The following MYO1H variants were observed in gnomAD, a reference collection of about 807,000 sequenced individuals.
MYO1H encodes myosin IH.
Under a neutral mutation model 149.3 loss-of-function variants are expected in MYO1H, and 118 were observed. The observed-to-expected ratio is 0.79, with a 90% CI of 0.68 to 0.92. The LOEUF (loss-of-function observed/expected upper bound fraction) is 0.92, where lower values mean the gene tolerates loss of function less well. MYO1H is among the 40% of genes least tolerant of loss of function. The pLI is 0.00. For synonymous variants in MYO1H, 447 were observed against 465.2 expected, an observed-to-expected ratio of 0.96 and a Z score of 0.50; for missense variants, 1,212 against 1,280.7, an observed-to-expected ratio of 0.95 and a Z score of 0.82.
rs554701536 is a variant in MYO1H at position 109,431,992 on chromosome 12, A to ATTT, written c.1950-880_1950-878dup. On this transcript the variant is annotated intron_variant, in intron 19 of 31. Coordinates refer to ENST00000310903, the Ensembl canonical transcript of MYO1H. ...ACTGCCACACCTGGCTAAAAAAAAA[A>ATTT]TTTTTTTTTTTTTTTTTTTTTTTTT... is the stretch of plus-strand genomic sequence containing the variant. Among the ~76,000 whole-genome samples, 69 of 85,730 alleles carry ATTT rather than the reference A, an allele frequency of 8.0e-4. 1 individual carries two copies. Among genetic ancestry groups the ATTT allele is most frequent in the East Asian group, 1.8e-3 (5 of 2,832 alleles). 56.2% of individuals were successfully genotyped at this position (85,730 alleles called of 152,430 possible).
chr12:109,387,188 C>G (rs544476353), intron 1 of MYO1H, among the ~76,000 whole-genome samples: 1 of 152,288 alleles, frequency 6.6e-6, no homozygotes, highest in East Asian at 1.9e-4. Flanking sequence ...GCCTCAGCAT[C>G]CCAGTGTGCT....
chr12:109,313,148 G>A, the MYO1H span, among the ~76,000 whole-genome samples: 2 of 152,308 alleles, frequency 1.3e-5, no homozygotes, highest in East Asian at 3.9e-4. Context: ...GGGAGGCTGA[G>A]ATGGAAGGAT....
At chr12:109,436,608 C>A in intron 22 of MYO1H, 52 bp downstream of exon 22, 2 of 1,250,318 alleles carry the variant, frequency 1.6e-6, no homozygotes, top group African/African-American at 1.5e-5. Context: ...ATCTGCTTGG[C>A]ACCTGGGGGC....
chr12:109,416,948 G>A (rs888801670), intron 15 of MYO1H, among the ~76,000 whole-genome samples: 3 of 150,802 alleles, frequency 2.0e-5, no homozygotes, highest in Admixed American at 6.6e-5. Context: ...CAGAGGTTGC[G>A]GTGAGTTGAG....
intron 1 of MYO1H, 101 bp from the exon 2 acceptor site, chr12:109,388,582 C>A: frequency 9.1e-7 from 1 of 1,100,850 alleles, no homozygotes; most frequent in Non-Finnish European, 1.3e-6. Flanking sequence ...TGCTGGCTCT[C>A]TACTATCCCA....
rs866867621 is a variant in MYO1H at position 109,411,986 on chromosome 12, G to T, written c.1502+1G>T. 3.2e-6 allele frequency: 5 copies of T among 1,577,738 alleles called. No individual in the cohort carries two copies. The highest frequency in any genetic ancestry group is 3.4e-6 in the Non-Finnish European group (4 of 1,161,788). ...TGGGCAAACATGCACACTTCGAAAC[G>T]TACATACTTTATTTTACCAGATTTT... On this transcript the variant is annotated splice_donor_variant, in intron 14 of 31. Coordinates refer to ENST00000310903, the Ensembl canonical transcript of MYO1H. LOFTEE classifies it high-confidence loss of function.
intron 16 of MYO1H, among the ~76,000 whole-genome samples, chr12:109,421,630 A>T (rs1871177957): frequency 6.6e-6 from 1 of 152,032 alleles, no homozygotes; most frequent in Non-Finnish European, 1.5e-5. Flanking sequence ...TAGAGATTTC[A>T]TTCTGGTGTT....
At chr12:109,343,885 T>G (rs1566015070), upstream of MYO1H, among the ~76,000 whole-genome samples, 2 of 152,150 alleles carry the variant, frequency 1.3e-5, no homozygotes, top group Admixed American at 1.3e-4. Context: ...GGCATTGCAC[T>G]AGGTGTATTG....
At chr12:109,338,883 A>C in the MYO1H span, among the ~76,000 whole-genome samples, 3 of 150,804 alleles carry the variant, frequency 2.0e-5, no homozygotes, top group South Asian at 6.3e-4. Flanking sequence ...TCCTGCCCTT[A>C]TTTCTTGAAG....
chr12:109,346,006 T>C (rs1485869673), upstream of MYO1H, among the ~76,000 whole-genome samples: 3 of 152,180 alleles, frequency 2.0e-5, no homozygotes, highest in Non-Finnish European at 4.4e-5. Flanking sequence ...GAAAATGTTC[T>C]TGAATTAAAT....
At chr12:109,320,397 G>C in the MYO1H span, among the ~76,000 whole-genome samples, 1 of 138,442 alleles carries the variant, frequency 7.2e-6, no homozygotes, top group South Asian at 2.3e-4. Flanking sequence ...ATCACTTGAG[G>C]ACAGGAGTTC....
chr12:109,417,314 G>A (rs1388112892), intron 15 of MYO1H, among the ~76,000 whole-genome samples: 2 of 152,064 alleles, frequency 1.3e-5, no homozygotes, highest in Non-Finnish European at 2.9e-5. Context: ...CCACACTTGC[G>A]TTATATCATT....
exon 32 of MYO1H, chr12:109,447,474 G>A (rs547440881): frequency 1.7e-5 from 9 of 518,726 alleles, no homozygotes; most frequent in African/African-American, 9.5e-5. Flanking sequence ...GCAGTCCAAC[G>A]TGTCATTAGA....
intron 31 of MYO1H, 140 bp downstream of exon 31, chr12:109,445,752 A>G (rs183623459): frequency 2.2e-6 from 3 of 1,367,182 alleles, no homozygotes; most frequent in Non-Finnish European, 2.8e-6. Flanking sequence ...CTAATTCTAC[A>G]TCTGTAAGAC....
the MYO1H span, among the ~76,000 whole-genome samples, chr12:109,329,950 G>T: frequency 6.6e-6 from 1 of 152,278 alleles, no homozygotes; most frequent in South Asian, 2.1e-4. Flanking sequence ...AATTTATGGG[G>T]GAGGAGGCAG....
intron 19 of MYO1H, among the ~76,000 whole-genome samples, chr12:109,427,909 A>AAAAAATATATATATATATATAT (rs1555254298): frequency 6.1e-5 from 1 of 16,422 alleles, no homozygotes; most frequent in Non-Finnish European, 1.0e-4. Flanking sequence ...AAAAAAAAAA[A>AAAAAATATATATATATATATAT]ATATATATAT....
chr12:109,310,679 C>T, the MYO1H span, among the ~76,000 whole-genome samples: 1 of 152,140 alleles, frequency 6.6e-6, no homozygotes, highest in Non-Finnish European at 1.5e-5. Context: ...CTGGGTGTGC[C>T]TGGATTTCAA....
At chr12:109,411,432 T>C (rs1870663467) in intron 13 of MYO1H, among the ~76,000 whole-genome samples, 1 of 152,206 alleles carries the variant, frequency 6.6e-6, no homozygotes, top group African/African-American at 2.4e-5. Flanking sequence ...GCCAACTAAA[T>C]GGTATCATTC....
chr12:109,410,998 C>T (rs554964062), intron 13 of MYO1H, among the ~76,000 whole-genome samples: 6 of 152,210 alleles, frequency 3.9e-5, no homozygotes, highest in South Asian at 4.1e-4. Flanking sequence ...AAAAATTAGC[C>T]GGGCATGATG....
Sources: gnomAD v4.1 joint callset for allele counts (sites outside exome capture counted in the v4.1 genomes callset) on GRCh38, gnomAD v4.1.1 for gene constraint, MANE v1.5 for transcripts, NCBI Gene and HGNC (gene_info 2026-07-23, HGNC 2026-07-21) for gene names.